Variants in CALN1 observed in about 807,000 individuals in gnomAD.
CALN1 encodes the protein calneuron 1.
In CALN1, 17 loss-of-function variants were observed where a neutral mutation model predicts 30.6. That is an observed-to-expected ratio of 0.56 (90% CI 0.38 to 0.83). CALN1 has a LOEUF of 0.83. CALN1 is among the 40% of genes least tolerant of loss of function. The pLI is 0.00. For synonymous variants in CALN1, 156 were observed against 131.4 expected (o/e 1.19, Z -1.28); for missense variants, 291 against 354.9 (o/e 0.82, Z 1.45).
At chr7:72,086,136 A>T (rs55895910) in intron 4 of CALN1, among the ~76,000 whole-genome samples, 31,279 of 152,118 alleles carry the variant, frequency 0.21, 3,510 homozygotes, top group Admixed American at 0.28. Flanking sequence ...AAAAGAAATC[A>T]GTGATTTCTG....
intron 3 of CALN1, among the ~76,000 whole-genome samples, chr7:72,220,889 T>C (rs1462703291): frequency 6.6e-6 from 1 of 152,130 alleles, no homozygotes; most frequent in African/African-American, 2.4e-5. Context: ...TTGATGGGGT[T>C]GTTTGTTTTT....
At chr7:72,206,172 A>G (rs1227246246) in intron 3 of CALN1, among the ~76,000 whole-genome samples, 4 of 152,192 alleles carry the variant, frequency 2.6e-5, no homozygotes, top group Non-Finnish European at 4.4e-5. Flanking sequence ...GAATTTTAGA[A>G]ACATTTTGTC....
Position 72,144,239 on chromosome 7 carries a change from T to G in CALN1, c.245-37945A>C, listed in dbSNP as rs547172321. ...CTGTATTCAGGAAACCCATCTCATG[T>G]GCAGAGACACACATAGGCTCAAAAT... On this transcript the variant is annotated intron_variant, in intron 3 of 6. Coordinates refer to ENST00000395275, the MANE Select transcript of CALN1 (RefSeq NM_031468.4). Among the ~76,000 whole-genome samples the G allele has an allele frequency of 5.3e-5, 8 of 152,266 alleles. No individual in the cohort carries two copies. In the South Asian group the frequency reaches 1.0e-3, roughly 20 times the overall value.
At chr7:72,227,250 A>T (rs1183157402) in intron 3 of CALN1, among the ~76,000 whole-genome samples, 1 of 150,956 alleles carries the variant, frequency 6.6e-6, no homozygotes, top group Non-Finnish European at 1.5e-5. Flanking sequence ...AAAAAAAAAA[A>T]AGAGGGCAGC....
intron 5 of CALN1, among the ~76,000 whole-genome samples, chr7:71,873,879 G>A (rs1792090730): frequency 6.6e-6 from 1 of 152,220 alleles, no homozygotes; most frequent in South Asian, 2.1e-4. Flanking sequence ...CAAACCAAAT[G>A]AGGATTTTAA....
At chr7:71,948,590 C>A (rs1796524851) in intron 5 of CALN1, among the ~76,000 whole-genome samples, 1 of 151,934 alleles carries the variant, frequency 6.6e-6, no homozygotes, top group Non-Finnish European at 1.5e-5. Flanking sequence ...ATTAGCCAGG[C>A]ATGGTGGTGC....
At chr7:71,972,819 G>C (rs1407959015) in intron 5 of CALN1, among the ~76,000 whole-genome samples, 1 of 152,186 alleles carries the variant, frequency 6.6e-6, no homozygotes, top group Admixed American at 6.5e-5. Context: ...GCTGTAACCA[G>C]GAGAGGCTGA....
intron 2 of CALN1, among the ~76,000 whole-genome samples, chr7:72,280,235 G>T (rs1797645843): frequency 1.3e-5 from 2 of 152,200 alleles, no homozygotes; most frequent in South Asian, 4.2e-4. Flanking sequence ...CACAACAACT[G>T]GGACAACTCT....
chr7:72,272,360 G>C (rs560264738), intron 3 of CALN1, among the ~76,000 whole-genome samples: 10 of 151,936 alleles, frequency 6.6e-5, no homozygotes, highest in Admixed American at 6.6e-4. Context: ...TCAGAAGTTC[G>C]AGACCAACCT....
chr7:72,447,995 C>G (rs1326807515), upstream of CALN1, among the ~76,000 whole-genome samples: 1 of 151,828 alleles, frequency 6.6e-6, no homozygotes, highest in African/African-American at 2.4e-5. Flanking sequence ...CACACACACA[C>G]ACACACATGC....
At chr7:72,251,396 CTTTTT>C (rs561449124) in intron 3 of CALN1, among the ~76,000 whole-genome samples, 2 of 151,542 alleles carry the variant, frequency 1.3e-5, no homozygotes, top group African/African-American at 4.9e-5. Context: ...CTCTGAACTA[CTTTTT>C]TTTTCCTTTT....
intron 3 of CALN1, among the ~76,000 whole-genome samples, chr7:72,177,303 G>C (rs1266173128): frequency 6.6e-6 from 1 of 152,172 alleles, no homozygotes; most frequent in Non-Finnish European, 1.5e-5. Flanking sequence ...CAGATTTAAG[G>C]AAGGTAAACA....
At chr7:72,389,334 T>C (rs1805430575) in intron 2 of CALN1, among the ~76,000 whole-genome samples, 1 of 152,218 alleles carries the variant, frequency 6.6e-6, no homozygotes, top group African/African-American at 2.4e-5. Context: ...TTACTTCTGT[T>C]TCATAGCCTC....
intron 1 of CALN1, among the ~76,000 whole-genome samples, chr7:72,426,774 A>T (rs923163820): frequency 1.3e-5 from 2 of 152,046 alleles, no homozygotes; most frequent in African/African-American, 4.8e-5. Flanking sequence ...TATCAACCTC[A>T]CTTGAGTCTT....
chr7:72,391,513 T>C (rs556786164), intron 2 of CALN1, among the ~76,000 whole-genome samples: 72 of 152,160 alleles, frequency 4.7e-4, no homozygotes, highest in Non-Finnish European at 8.5e-4. Flanking sequence ...ATATGGCCCC[T>C]GATATAATTT....
intron 3 of CALN1, among the ~76,000 whole-genome samples, chr7:72,165,057 C>T (rs1036965026): frequency 6.6e-6 from 1 of 152,100 alleles, no homozygotes; most frequent in African/African-American, 2.4e-5. Flanking sequence ...AAATTGTGCA[C>T]CAAAGCCCTA....
At chr7:72,261,770 CT>C (rs1433838386) in intron 3 of CALN1, among the ~76,000 whole-genome samples, 1 of 152,124 alleles carries the variant, frequency 6.6e-6, no homozygotes, top group Non-Finnish European at 1.5e-5. Context: ...CCACCACATA[CT>C]TTTTTCACCA....
chr7:72,437,590 A>G (rs959403668), intron 1 of CALN1, among the ~76,000 whole-genome samples: 2 of 150,784 alleles, frequency 1.3e-5, no homozygotes, highest in Admixed American at 6.6e-5. Context: ...TGCTTGCTTT[A>G]ACTATCTTTT....
At chr7:72,320,653 G>T (rs575731344) in intron 2 of CALN1, among the ~76,000 whole-genome samples, 1 of 152,008 alleles carries the variant, frequency 6.6e-6, no homozygotes, top group East Asian at 1.9e-4. Context: ...CGGCCAACAT[G>T]GCAAAACCCC....
Sources: allele counts gnomAD v4.1 joint callset (sites outside exome capture counted in the v4.1 genomes callset), GRCh38; gene constraint gnomAD v4.1.1; transcripts MANE v1.5; gene names NCBI Gene and HGNC (gene_info 2026-07-23, HGNC 2026-07-21).